Variants in REXO5 observed in about 807,000 individuals in gnomAD.
REXO5 encodes the protein RNA exonuclease 5.
REXO5 carries 48 observed loss-of-function variants against 88.5 expected under a neutral mutation model. That is an observed-to-expected ratio of 0.54 (90% confidence interval 0.43 to 0.69). The LOEUF (loss-of-function observed/expected upper bound fraction) is 0.69. REXO5 is among the 30% of genes least tolerant of loss of function. The pLI is 0.00. For missense variants in REXO5, 749 were observed against 912.2 expected (o/e 0.82, Z 2.30); for synonymous variants, 311 against 336.5 (o/e 0.92, Z 0.83).
intron 5 of REXO5, among the ~76,000 whole-genome samples, chr16:20,819,018 T>C (rs946844540): frequency 1.1e-4 from 16 of 152,148 alleles, no homozygotes; most frequent in Admixed American, 8.5e-4. Context: ...AGTGAGAACA[T>C]GGTGTTGTTT....
At chr16:20,841,102 T>C (rs1209010149) in intron 15 of REXO5, among the ~76,000 whole-genome samples, 1 of 152,198 alleles carries the variant, frequency 6.6e-6, no homozygotes, top group Non-Finnish European at 1.5e-5. Context: ...CTCTTATCTC[T>C]TAGGGTAAGT....
intron 11 of REXO5, among the ~76,000 whole-genome samples, chr16:20,831,313 C>T (rs1342582438): frequency 6.6e-6 from 1 of 152,018 alleles, no homozygotes; most frequent in Non-Finnish European, 1.5e-5. Context: ...AGGACCTCAC[C>T]CCTTGTGAGA....
rs2152505430 is a variant in REXO5, at chr16:20,827,369, T to C, written c.977T>C (p.Val326Ala). 1.2e-6 allele frequency: 2 copies of C among 1,613,016 alleles called. No individual in the cohort carries two copies. The highest frequency in any genetic ancestry group is 2.2e-5 in the East Asian group (1 of 44,872). ...CTTCCTCAGATGATACATCCATATG[T>C]TATTGATACATCGTTGCTTTATGTC... ...LRALKMIHPY[V>A]IDTSLLYVRE... The change falls in exon 10 of 20, where the codon GTT becomes GCT. Residue 326 changes from valine to alanine, a missense_variant. Coordinates refer to ENST00000261377, the MANE Select transcript of REXO5 (RefSeq NM_030941.3).
At chr16:20,808,294 A>G (rs1388717723) in intron 2 of REXO5, among the ~76,000 whole-genome samples, 7 of 152,204 alleles carry the variant, frequency 4.6e-5, no homozygotes, top group African/African-American at 1.7e-4. Context: ...AACTAAATAT[A>G]CTTCATTCAT....
At chr16:20,807,301 G>A in intron 2 of REXO5, 2 of 607,858 alleles carry the variant, frequency 3.3e-6, no homozygotes, top group South Asian at 2.1e-5. Context: ...TGAGTCGGCC[G>A]AGTGCGGTGG....
intron 3 of REXO5, among the ~76,000 whole-genome samples, chr16:20,814,032 A>T (rs1013718337): frequency 1.3e-5 from 2 of 151,946 alleles, no homozygotes; most frequent in African/African-American, 4.8e-5. Context: ...AGCTACTTCG[A>T]GAACTGTCTT....
At chr16:20,815,655 T>A (rs1006869768) in intron 4 of REXO5, among the ~76,000 whole-genome samples, 1 of 152,262 alleles carries the variant, frequency 6.6e-6, no homozygotes, top group African/African-American at 2.4e-5. Flanking sequence ...ATAAAATAGA[T>A]ACTTTTTAAT....
intron 15 of REXO5, 44 bp from the exon 16 acceptor site, chr16:20,843,890 T>C (rs2081566830): frequency 4.3e-6 from 6 of 1,392,226 alleles, no homozygotes; most frequent in African/African-American, 1.4e-5. Flanking sequence ...CTTTAGCAGT[T>C]TGAGCTGGAA....
At chr16:20,846,368 G>T in intron 19 of REXO5, 29 bp downstream of exon 19, 1 of 1,536,220 alleles carries the variant, frequency 6.5e-7, no homozygotes, top group South Asian at 1.1e-5. Context: ...ATCCCTTCAG[G>T]ACTCTGTCCC....
At position 20,844,970 on chromosome 16, in the gene REXO5, C is replaced by G. The variant is rs2081584673; in HGVS notation, c.1937-84C>G. ...GGCAGCAGTTCCTGATTCTGTCCTT[C>G]TCCTTTGACCCTGGCCAGGCAGCTT... On this transcript the variant is annotated intron_variant, in intron 17 of 19. Transcript: ENST00000261377. 1.9e-6 allele frequency: 3 copies of G among 1,558,360 alleles called. No individual in the cohort carries two copies. In the African/African-American group the frequency reaches 4.1e-5, roughly 21 times the overall value.
intron 11 of REXO5, among the ~76,000 whole-genome samples, chr16:20,828,954 A>G (rs1227025433): frequency 2.0e-5 from 3 of 151,936 alleles, no homozygotes; most frequent in East Asian, 1.9e-4. Context: ...AAAAAAAAAA[A>G]AAAGAAAAGA....
chr16:20,810,347 T>C (rs1235183542), intron 2 of REXO5, among the ~76,000 whole-genome samples: 2 of 152,226 alleles, frequency 1.3e-5, no homozygotes, highest in Non-Finnish European at 2.9e-5. Context: ...TTCACATCAG[T>C]ATCTCCACTT....
intron 12 of REXO5, 92 bp downstream of exon 12, chr16:20,832,351 A>G (rs1020079993): frequency 5.7e-5 from 46 of 809,202 alleles, no homozygotes; most frequent in Non-Finnish European, 8.2e-5. Context: ...TCCTCTTTTG[A>G]GTCTATTAAA....
intron 2 of REXO5, among the ~76,000 whole-genome samples, chr16:20,810,729 T>A (rs183980552): frequency 6.6e-6 from 1 of 152,256 alleles, no homozygotes; most frequent in East Asian, 1.9e-4. Flanking sequence ...TCACTAACAA[T>A]GAGAAACCCG....
intron 3 of REXO5, 61 bp downstream of exon 3, chr16:20,813,363 T>A (rs2081031860): frequency 1.2e-6 from 1 of 845,492 alleles, no homozygotes; most frequent in Non-Finnish European, 1.8e-6. Flanking sequence ...TTTTTTTTTT[T>A]TACCTCTCCC....
chr16:20,813,540 C>A (rs1324731468), intron 3 of REXO5, among the ~76,000 whole-genome samples: 1 of 152,084 alleles, frequency 6.6e-6, no homozygotes, highest in Non-Finnish European at 1.5e-5. Context: ...TGGCAGCTAT[C>A]CCTATATTCC....
intron 2 of REXO5, among the ~76,000 whole-genome samples, chr16:20,811,751 T>G (rs945728915): frequency 6.6e-6 from 1 of 152,246 alleles, no homozygotes; most frequent in Non-Finnish European, 1.5e-5. Flanking sequence ...GTTTCGCTAA[T>G]GTAAGAGTTT....
intron 19 of REXO5, among the ~76,000 whole-genome samples, chr16:20,848,761 AG>A (rs1337325864): frequency 6.6e-6 from 1 of 152,252 alleles, no homozygotes; most frequent in African/African-American, 2.4e-5. Flanking sequence ...GCACCACACC[AG>A]GTTTTTTACA....
intron 2 of REXO5, among the ~76,000 whole-genome samples, chr16:20,808,067 C>A (rs2080932889): frequency 6.6e-6 from 1 of 152,164 alleles, no homozygotes; most frequent in African/African-American, 2.4e-5. Context: ...CTATTGTGAA[C>A]TTTGCATACG....
Sources: allele counts gnomAD v4.1 joint callset (sites outside exome capture counted in the v4.1 genomes callset), GRCh38; gene constraint gnomAD v4.1.1; transcripts MANE v1.5; gene names NCBI Gene and HGNC (gene_info 2026-07-23, HGNC 2026-07-21).